Variants in CEP128 observed in about 807,000 individuals in gnomAD.
CEP128 encodes the protein centrosomal protein 128kDa.
Under a neutral mutation model 156.7 loss-of-function variants are expected in CEP128, and 132 were observed. The observed-to-expected ratio is 0.84, with a 90% CI of 0.73 to 0.97. The LOEUF (loss-of-function observed/expected upper bound fraction) is 0.97, where lower values mean the gene tolerates loss of function less well. Among genes scored for constraint, CEP128 ranks in the 50% least tolerant of loss-of-function variants. The pLI is 0.00. For missense variants in CEP128, 1,252 were observed against 1,281.9 expected (o/e 0.98, Z 0.36); for synonymous variants, 469 against 448.9 (o/e 1.04, Z -0.57).
downstream of CEP128, among the ~76,000 whole-genome samples, chr14:80,492,923 C>T (rs1272152905): frequency 6.6e-6 from 1 of 152,128 alleles, no homozygotes; most frequent in East Asian, 1.9e-4. Flanking sequence ...TAGATTGTAA[C>T]ATCTGAATTG....
intron 20 of CEP128, among the ~76,000 whole-genome samples, chr14:80,569,991 A>G (rs2140408794): frequency 6.6e-6 from 1 of 152,332 alleles, no homozygotes; most frequent in African/African-American, 2.4e-5. Context: ...TAAGAACAAA[A>G]GGGACACTGG....
chr14:80,867,537 A>G (rs1887825844), intron 8 of CEP128, among the ~76,000 whole-genome samples: 1 of 152,206 alleles, frequency 6.6e-6, no homozygotes, highest in Non-Finnish European at 1.5e-5. Context: ...GAAACCATCA[A>G]AAAGAACAAA....
rs536248965 is a variant in CEP128, at chr14:80,652,105, T to C, written c.2807-71682A>G. Among the ~76,000 whole-genome samples, 110 of 152,006 alleles carry C rather than the reference T, an allele frequency of 7.2e-4. 2 individuals are homozygous for C. The highest frequency in any genetic ancestry group is 3.0e-3 in the Admixed American group (46 of 15,230). On this transcript the variant is annotated intron_variant, in intron 19 of 24. Coordinates refer to ENST00000555265, the MANE Select transcript of CEP128 (RefSeq NM_152446.5). ...CAAGCAACAGGGAAAGGATTCCCTG[T>C]TTAATAAATGGTGGTGGGAGAATTG...
intron 21 of CEP128, among the ~76,000 whole-genome samples, chr14:80,550,206 T>G (rs943276260): frequency 6.6e-6 from 1 of 152,362 alleles, no homozygotes; most frequent in South Asian, 2.1e-4. Flanking sequence ...TGTAAGTATG[T>G]TTTGAAAATA....
At chr14:80,482,447 AG>A (rs1233647258) in intron 14 of CEP128, among the ~76,000 whole-genome samples, 1 of 152,222 alleles carries the variant, frequency 6.6e-6, no homozygotes, top group Non-Finnish European at 1.5e-5. Flanking sequence ...TGAAGTCCAA[AG>A]GCATACAGTT....
At chr14:80,774,267 A>G (rs1464465194) in intron 16 of CEP128, among the ~76,000 whole-genome samples, 3 of 152,346 alleles carry the variant, frequency 2.0e-5, no homozygotes, top group Non-Finnish European at 1.5e-5. Context: ...AAAACCACAC[A>G]GTCAAAATAA....
intron 9 of CEP128, among the ~76,000 whole-genome samples, chr14:80,841,726 G>A (rs1886357848): frequency 1.3e-5 from 2 of 151,962 alleles, no homozygotes; most frequent in African/African-American, 4.8e-5. Flanking sequence ...CACCTACTTA[G>A]TGACAGAGAC....
chr14:80,859,155 CAACAAT>C (rs1887374729), intron 9 of CEP128, among the ~76,000 whole-genome samples: 1 of 149,908 alleles, frequency 6.7e-6, no homozygotes. Flanking sequence ...CCCAAATGTC[CAACAAT>C]GACAGACTGG....
rs199804494 is a variant in CEP128, at chr14:80,599,434, G to A, written c.2807-19011C>T. ...ATGACAGGCACCCGCCACCACGCCC[G>A]GCTAATTTTTTTTGTATTTTTTAGT... On this transcript the variant is annotated intron_variant, in intron 19 of 24. Coordinates refer to ENST00000555265, the MANE Select transcript of CEP128 (RefSeq NM_152446.5). Among the ~76,000 whole-genome samples the A allele has an allele frequency of 7.8e-4, 119 of 151,812 alleles. 1 individual carries two copies. Among genetic ancestry groups the A allele is most frequent in the East Asian group, 7.4e-3 (38 of 5,152 alleles).
intron 19 of CEP128, among the ~76,000 whole-genome samples, chr14:80,707,743 T>C (rs1196557279): frequency 6.6e-6 from 1 of 152,180 alleles, no homozygotes. Flanking sequence ...AATTAATCAT[T>C]TGATTTATTC....
chr14:80,926,703 T>C (rs1384778643), intron 2 of CEP128, among the ~76,000 whole-genome samples: 3 of 152,162 alleles, frequency 2.0e-5, no homozygotes, highest in African/African-American at 7.2e-5. Flanking sequence ...CAACTGTTGC[T>C]CTTTTGCAAG....
At chr14:80,836,771 A>G (rs1886099285) in intron 11 of CEP128, among the ~76,000 whole-genome samples, 1 of 152,238 alleles carries the variant, frequency 6.6e-6, no homozygotes, top group South Asian at 2.1e-4. Flanking sequence ...AGTATGTAAT[A>G]GATGCTGTTG....
At chr14:80,848,240 G>C (rs1289797029) in intron 9 of CEP128, among the ~76,000 whole-genome samples, 1 of 152,220 alleles carries the variant, frequency 6.6e-6, no homozygotes, top group African/African-American at 2.4e-5. Context: ...AACTGTTTCA[G>C]AGCTGAAAAT....
At chr14:80,511,778 G>C (rs1220316185) in intron 23 of CEP128, among the ~76,000 whole-genome samples, 1 of 151,926 alleles carries the variant, frequency 6.6e-6, no homozygotes, top group Non-Finnish European at 1.5e-5. Flanking sequence ...CAGAGGTTTT[G>C]ATATGCTATG....
At chr14:80,566,177 GAGA>G (rs1183231578) in intron 20 of CEP128, among the ~76,000 whole-genome samples, 1 of 152,094 alleles carries the variant, frequency 6.6e-6, no homozygotes, top group Non-Finnish European at 1.5e-5. Flanking sequence ...TTCACCCAAA[GAGA>G]CCACTGCATG....
At chr14:80,629,513 A>G (rs955269420) in intron 19 of CEP128, among the ~76,000 whole-genome samples, 11 of 138,136 alleles carry the variant, frequency 8.0e-5, no homozygotes, top group African/African-American at 3.3e-4. Flanking sequence ...CTCCAGTAAT[A>G]TATTTTTTTT....
intron 2 of CEP128, among the ~76,000 whole-genome samples, chr14:80,918,011 C>G (rs973745003): frequency 1.3e-5 from 2 of 152,134 alleles, no homozygotes; most frequent in Non-Finnish European, 2.9e-5. Flanking sequence ...TCTCCTCTGC[C>G]CAGGGCTCTT....
At chr14:80,500,195 C>T (rs1315105098) in intron 24 of CEP128, among the ~76,000 whole-genome samples, 1 of 152,166 alleles carries the variant, frequency 6.6e-6, no homozygotes, top group Non-Finnish European at 1.5e-5. Context: ...CAGTATTTTC[C>T]CATTTCCTTT....
chr14:80,880,699 A>C (rs181511663), intron 8 of CEP128, among the ~76,000 whole-genome samples: 1 of 150,292 alleles, frequency 6.7e-6, no homozygotes, highest in African/African-American at 2.4e-5. Context: ...TACTAAAAAA[A>C]AAAAATACAA....
Sources: allele counts gnomAD v4.1 joint callset (sites outside exome capture counted in the v4.1 genomes callset), GRCh38; gene constraint gnomAD v4.1.1; transcripts MANE v1.5; gene names NCBI Gene and HGNC (gene_info 2026-07-23, HGNC 2026-07-21).